The following MSTO1 variants were observed in gnomAD, a reference collection of about 807,000 sequenced individuals.
MSTO1 encodes the protein protein misato homolog 1.
In MSTO1, 24 loss-of-function variants were observed where a neutral mutation model predicts 55.7. The observed-to-expected ratio is 0.43, with a 90% CI of 0.31 to 0.61. MSTO1 has a LOEUF of 0.61. Among genes scored for constraint, MSTO1 ranks in the 20% least tolerant of loss-of-function variants. The pLI is 0.09. For synonymous variants in MSTO1, 162 were observed against 252.8 expected (o/e 0.64, Z 3.41); for missense variants, 363 against 625.7 (o/e 0.58, Z 4.48).
the MSTO1 span, among the ~76,000 whole-genome samples, chr1:155,580,999 C>T: frequency 6.6e-6 from 1 of 151,246 alleles, no homozygotes; most frequent in East Asian, 1.9e-4. Flanking sequence ...GTTTTACACA[C>T]AATAGTGTGT....
chr1:155,575,801 TTTATTTATTTATTTA>T, the MSTO1 span, among the ~76,000 whole-genome samples: 33 of 132,482 alleles, frequency 2.5e-4, no homozygotes, highest in Non-Finnish European at 4.6e-4. Context: ...TTTATTTTTA[TTTATTTATTTATTTA>T]TTTATTTATT....
chr1:155,570,304 A>G, the MSTO1 span, among the ~76,000 whole-genome samples: 1 of 152,182 alleles, frequency 6.6e-6, no homozygotes. Flanking sequence ...TAGTAGTTTA[A>G]GTTTTAAATT....
the MSTO1 span, among the ~76,000 whole-genome samples, chr1:155,583,748 G>A: frequency 8.5e-5 from 13 of 152,126 alleles, no homozygotes; most frequent in Middle Eastern, 3.4e-3. Flanking sequence ...CCACAGGCAC[G>A]CCTATGGAAA....
the MSTO1 span, among the ~76,000 whole-genome samples, chr1:155,602,510 A>G: frequency 2.6e-5 from 4 of 152,046 alleles, no homozygotes; most frequent in African/African-American, 9.7e-5. Context: ...AACAACAAAC[A>G]ACAAATGAGT....
chr1:155,587,794 G>C, the MSTO1 span, among the ~76,000 whole-genome samples: 1 of 150,976 alleles, frequency 6.6e-6, no homozygotes, highest in African/African-American at 2.4e-5. Context: ...ATTTACCATG[G>C]GATAGGATAA....
chr1:155,607,287 G>A (rs1672951577), upstream of MSTO1, among the ~76,000 whole-genome samples: 1 of 152,124 alleles, frequency 6.6e-6, no homozygotes, highest in South Asian at 2.1e-4. Flanking sequence ...AGATTCTCCT[G>A]CCTCAGCCTC....
In MSTO1 at chr1:155,614,927, A is replaced by T; in HGVS notation, c.*654A>T. On this transcript the variant is annotated 3_prime_UTR_variant, in exon 14 of 14. Transcript: ENST00000245564. ...CCTTAGTAACATGTTAACATTTATGAAGCACTATATATTGATTTGCAAAAT... is the reference window on the plus strand; with the variant it reads ...CCTTAGTAACATGTTAACATTTATGTAGCACTATATATTGATTTGCAAAAT... 1 of 1,259,396 alleles carries T rather than the reference A, an allele frequency of 7.9e-7. No homozygotes were observed. Among genetic ancestry groups the T allele is most frequent in the African/African-American group, 1.5e-5 (1 of 67,582 alleles). 78.0% of individuals were successfully genotyped at this position (1,259,396 alleles called of 1,614,324 possible).
chr1:155,585,508 G>A, the MSTO1 span, among the ~76,000 whole-genome samples: 1 of 145,166 alleles, frequency 6.9e-6, no homozygotes, highest in Non-Finnish European at 1.5e-5. Flanking sequence ...GGGTGACAGA[G>A]CGAGACTCCG....
the MSTO1 span, among the ~76,000 whole-genome samples, chr1:155,573,982 G>A: frequency 6.6e-6 from 1 of 152,056 alleles, no homozygotes; most frequent in African/African-American, 2.4e-5. Flanking sequence ...ATTTTTAAAG[G>A]GTGGGTAATA....
chr1:155,580,001 G>A, the MSTO1 span, among the ~76,000 whole-genome samples: 6,011 of 151,642 alleles, frequency 0.04, 398 homozygotes, highest in African/African-American at 0.14. Flanking sequence ...TCTTGAACCC[G>A]GGAGGCAGAG....
the MSTO1 span, among the ~76,000 whole-genome samples, chr1:155,579,206 G>A: frequency 6.6e-6 from 1 of 151,862 alleles, no homozygotes; most frequent in East Asian, 2.0e-4. Context: ...CTAGCTACTC[G>A]GGAGGCCGAG....
In MSTO1 at chr1:155,612,032, G is replaced by A. The variant is rs1558262500; in HGVS notation, c.610G>A (p.Glu204Lys). Residue 204 changes from glutamate to lysine, a missense_variant, in exon 7 of 14, where the codon GAA becomes AAA. Around this residue, in one of 3 missense-constraint regions of MSTO1, gnomAD observed 94 missense variants for 212.4 expected, o/e 0.44. Coordinates refer to ENST00000245564, the MANE Select transcript of MSTO1 (RefSeq NM_018116.4). ...AFGQGESVLK[E>K]PKYQEELEDR... ...TGGCCAAGGGGAAAGTGTCCTAAAGGAACCCAAGTACCAGGAAGAGCTGGA... is the reference window on the plus strand; with the variant it reads ...TGGCCAAGGGGAAAGTGTCCTAAAGAAACCCAAGTACCAGGAAGAGCTGGA... 11 of 1,594,830 alleles carry A rather than the reference G, an allele frequency of 6.9e-6. No individual in the cohort carries two copies. The highest frequency in any genetic ancestry group is 8.5e-6 in the Non-Finnish European group (10 of 1,172,192).
At chr1:155,566,701 C>T in the MSTO1 span, among the ~76,000 whole-genome samples, 11 of 152,036 alleles carry the variant, frequency 7.2e-5, no homozygotes, top group East Asian at 1.2e-3. Flanking sequence ...CTGCAACCTC[C>T]GCCTCCCGGG....
At chr1:155,613,441 G>A in intron 11 of MSTO1, 21 bp from the exon 12 acceptor site, 1 of 1,613,892 alleles carries the variant, frequency 6.2e-7, no homozygotes. Flanking sequence ...ACTAATGGTG[G>A]TTTTGGCTTT....
the MSTO1 span, among the ~76,000 whole-genome samples, chr1:155,565,757 G>A: frequency 1.3e-5 from 2 of 152,098 alleles, no homozygotes; most frequent in Non-Finnish European, 2.9e-5. Flanking sequence ...AATGAGATAC[G>A]ATTCTGTTTT....
chr1:155,569,117 G>T, the MSTO1 span, among the ~76,000 whole-genome samples: 2 of 151,572 alleles, frequency 1.3e-5, no homozygotes, highest in African/African-American at 2.4e-5. Flanking sequence ...GCCTCCCAAG[G>T]GTTTTTTATT....
At chr1:155,599,128 T>C in the MSTO1 span, among the ~76,000 whole-genome samples, 1 of 151,750 alleles carries the variant, frequency 6.6e-6, no homozygotes, top group South Asian at 2.1e-4. Flanking sequence ...CAGTGAGCCG[T>C]GATCGCACCA....
upstream of MSTO1, chr1:155,609,808 A>G (rs570228864): frequency 1.6e-4 from 31 of 194,494 alleles, no homozygotes; most frequent in South Asian, 8.1e-4. Context: ...GAAGAGATGA[A>G]GGGGCATGGG....
chr1:155,581,661 C>G, the MSTO1 span, among the ~76,000 whole-genome samples: 1 of 152,150 alleles, frequency 6.6e-6, no homozygotes, highest in Admixed American at 6.6e-5. Flanking sequence ...CTCAGCCTCC[C>G]AAAGTACTGG....
Sources: gnomAD v4.1 joint callset for allele counts (sites outside exome capture counted in the v4.1 genomes callset) on GRCh38, gnomAD v4.1.1 for gene constraint, gnomAD v4.1.1 regional missense constraint, MANE v1.5 for transcripts, NCBI Gene and HGNC (gene_info 2026-07-23, HGNC 2026-07-21) for gene names.